Variants in PPFIA1 observed in about 807,000 individuals in gnomAD.
PPFIA1 encodes the protein liprin-alpha-1.
PPFIA1 carries 25 observed loss-of-function variants against 149.9 expected under a neutral mutation model. The observed-to-expected ratio is 0.17, with a 90% CI of 0.12 to 0.23. The LOEUF is 0.23. Among genes scored for constraint, PPFIA1 ranks in the 10% least tolerant of loss-of-function variants. The probability of loss-of-function intolerance (pLI) is 1.00; values close to 1 mark genes in which losing one functional copy is unlikely to be tolerated. For synonymous variants in PPFIA1, 549 were observed against 552.8 expected, an observed-to-expected ratio of 0.99 and a Z score of 0.10; for missense variants, 1,362 against 1,506.5, an observed-to-expected ratio of 0.90 and a Z score of 1.59.
At chr11:70,288,352 C>T (rs1441415842) in intron 2 of PPFIA1, among the ~76,000 whole-genome samples, 1 of 152,054 alleles carries the variant, frequency 6.6e-6, no homozygotes, top group Non-Finnish European at 1.5e-5. Flanking sequence ...TTACAGGCAT[C>T]AGCCACCGCG....
chr11:70,366,696 G>C (rs1174606573), intron 21 of PPFIA1, among the ~76,000 whole-genome samples: 2 of 152,120 alleles, frequency 1.3e-5, no homozygotes, highest in African/African-American at 2.4e-5. Context: ...GTATTTGAGG[G>C]CTTCAGAATA....
At position 70,270,757 on chromosome 11, in the gene PPFIA1, C is replaced by G. The variant is rs552476277; in HGVS notation, c.-158C>G. 2 of 150,418 alleles carry G rather than the reference C, an allele frequency of 1.3e-5. No individual in the cohort carries two copies. The highest frequency in any genetic ancestry group is 3.0e-5 in the Non-Finnish European group (2 of 67,450). The allele number at this position is 150,418 out of a possible 1,614,324, so 9.3% of individuals were successfully genotyped here. A position where few individuals can be genotyped will look rare whatever the true frequency, so the allele number is the denominator to read the frequency against. ...CGCCAGTGTCCGGCCGCGGGCCGGCCTTAGTGACTGGGGCGGCGGGCCCCG... is the reference window on the plus strand; with the variant it reads ...CGCCAGTGTCCGGCCGCGGGCCGGCGTTAGTGACTGGGGCGGCGGGCCCCG... On this transcript the variant is annotated 5_prime_UTR_variant, in exon 1 of 28. Transcript: ENST00000253925.
rs2057785928 is a variant in PPFIA1, at chr11:70,383,636, T to G, written c.*646T>G. The G allele has an allele frequency of 1.3e-5, 2 of 154,462 alleles. No homozygotes were observed. The highest frequency in any genetic ancestry group is 4.1e-4 in the South Asian group (2 of 4,904). 9.6% of individuals were successfully genotyped at this position (154,462 alleles called of 1,614,324 possible). On this transcript the variant is annotated 3_prime_UTR_variant, in exon 28 of 28. Coordinates refer to ENST00000253925, the MANE Select transcript of PPFIA1 (RefSeq NM_003626.5). ...GCTGGTGTTAAATATCAGCTCCTAA[T>G]AAGATGTGGACTGAAAACACTATCA...
chr11:70,287,187 C>T (rs2051203927), intron 2 of PPFIA1, among the ~76,000 whole-genome samples: 1 of 152,006 alleles, frequency 6.6e-6, no homozygotes, highest in Non-Finnish European at 1.5e-5. Flanking sequence ...AGCTGCCTTT[C>T]CTTTGCTCAG....
intron 8 of PPFIA1, among the ~76,000 whole-genome samples, chr11:70,330,983 C>T (rs2054618148): frequency 1.3e-5 from 2 of 152,014 alleles, no homozygotes; most frequent in African/African-American, 2.4e-5. Flanking sequence ...CCTGTAATCC[C>T]AGCACTTTGG....
chr11:70,274,268 C>T (rs1217724597), intron 2 of PPFIA1, among the ~76,000 whole-genome samples: 1 of 152,136 alleles, frequency 6.6e-6, no homozygotes, highest in African/African-American at 2.4e-5. Context: ...TTAGAGTGTA[C>T]TTAAAAATAT....
At chr11:70,299,313 TC>T (rs2136319941) in intron 2 of PPFIA1, among the ~76,000 whole-genome samples, 1 of 152,270 alleles carries the variant, frequency 6.6e-6, no homozygotes, top group African/African-American at 2.4e-5. Context: ...GTTTTCTTTT[TC>T]TTACAGGGGT....
Position 70,332,827 on chromosome 11 carries a change from C to T in PPFIA1, c.1213-643C>T, listed in dbSNP as rs565024156. 5.5e-4 allele frequency among the ~76,000 whole-genome samples: 84 copies of T among 152,332 alleles called. No individual in the cohort carries two copies. In the South Asian group the frequency reaches 6.2e-3, roughly 11 times the overall value. On this transcript the variant is annotated intron_variant, in intron 9 of 27. Transcript: ENST00000253925. Reference sequence around the variant, plus strand: ...CTGTCTGTCGTCCTGAGTCTTCTTGCTCAAGCTTTTCAAGCTGCTGGGGAG... The same window carrying T: ...CTGTCTGTCGTCCTGAGTCTTCTTGTTCAAGCTTTTCAAGCTGCTGGGGAG...
At chr11:70,337,476 G>A (rs750803467) in intron 12 of PPFIA1, 49 bp downstream of exon 12, 9 of 1,378,746 alleles carry the variant, frequency 6.5e-6, no homozygotes, top group Non-Finnish European at 9.0e-6. Context: ...GAACTGAGTT[G>A]ATGATGATGA....
intron 21 of PPFIA1, chr11:70,365,473 G>A (rs772507962): frequency 1.3e-4 from 58 of 456,440 alleles, no homozygotes; most frequent in Admixed American, 1.9e-4. Context: ...CTCCCAGCGC[G>A]TTTTCCACTT....
chr11:70,351,453 C>T (rs2056051771), intron 16 of PPFIA1, among the ~76,000 whole-genome samples: 1 of 152,158 alleles, frequency 6.6e-6, no homozygotes, highest in South Asian at 2.1e-4. Flanking sequence ...CTGAGTGTCC[C>T]TGATCTGAGA....
At chr11:70,309,262 CG>C (rs1307601891) in intron 2 of PPFIA1, among the ~76,000 whole-genome samples, 1 of 152,052 alleles carries the variant, frequency 6.6e-6, no homozygotes, top group East Asian at 1.9e-4. Context: ...CTCCGCCTCT[CG>C]GGTTCAAGCG....
At chr11:70,378,457 G>T (rs1285634227) in intron 26 of PPFIA1, 1 of 1,184,178 alleles carries the variant, frequency 8.4e-7, no homozygotes, top group Non-Finnish European at 1.0e-6. Context: ...GTATTCGTCT[G>T]TGTTCTCAGA....
At chr11:70,319,390 T>C (rs866916977) in intron 2 of PPFIA1, among the ~76,000 whole-genome samples, 26 of 152,350 alleles carry the variant, frequency 1.7e-4, no homozygotes, top group Middle Eastern at 3.4e-3. Context: ...AGGGGAATCC[T>C]TTGAAAACGG....
In PPFIA1 at chr11:70,326,675, T is replaced by C. The variant is rs766377601; in HGVS notation, c.787T>C (p.Ser263Pro). 1.9e-6 allele frequency: 3 copies of C among 1,614,124 alleles called. No homozygotes were observed. The highest frequency in any genetic ancestry group is 2.5e-6 in the Non-Finnish European group (3 of 1,180,016). Reference protein sequence around the residue: ...IELQEIISKQSREQSQMKERL... With the variant: ...IELQEIISKQPREQSQMKERL... ...GCTCCAAGAAATCATAAGTAAGCAGTCAAGGGAACAGAGCCAAATGAAAGA... is the reference window on the plus strand; with the variant it reads ...GCTCCAAGAAATCATAAGTAAGCAGCCAAGGGAACAGAGCCAAATGAAAGA... The change falls in exon 7 of 28, where the codon TCA becomes CCA. Residue 263 changes from serine (S) to proline (P), a missense_variant. Ser to Pro is a moderately conservative substitution (Grantham distance 74, BLOSUM62 -1). Around this residue, in one of 7 missense-constraint regions of PPFIA1, gnomAD observed 733 missense variants for 744.1 expected, o/e 0.99. Coordinates refer to ENST00000253925, the MANE Select transcript of PPFIA1 (RefSeq NM_003626.5).
At chr11:70,277,119 T>C (rs2050457223) in intron 2 of PPFIA1, among the ~76,000 whole-genome samples, 1 of 146,172 alleles carries the variant, frequency 6.8e-6, no homozygotes, top group Non-Finnish European at 1.5e-5. Flanking sequence ...CTTAGATACT[T>C]GAACTGGATT....
chr11:70,367,875 C>G (rs1291683999), intron 21 of PPFIA1, among the ~76,000 whole-genome samples: 1 of 152,212 alleles, frequency 6.6e-6, no homozygotes, highest in Non-Finnish European at 1.5e-5. Context: ...GTGGCTCACA[C>G]CTGTAATCCC....
intron 2 of PPFIA1, among the ~76,000 whole-genome samples, chr11:70,299,149 G>A (rs1369744864): frequency 1.3e-5 from 2 of 152,078 alleles, no homozygotes; most frequent in African/African-American, 4.8e-5. Flanking sequence ...TGAGACAAGA[G>A]GATCACTTGA....
chr11:70,374,002 T>C (rs1177559097), intron 23 of PPFIA1: 1 of 152,248 alleles, frequency 6.6e-6, no homozygotes, highest in Non-Finnish European at 1.5e-5. Flanking sequence ...TTGGAAGTGA[T>C]TGGTGATCAT....
Sources: gnomAD v4.1 joint callset for allele counts (sites outside exome capture counted in the v4.1 genomes callset) on GRCh38, gnomAD v4.1.1 for gene constraint, gnomAD v4.1.1 regional missense constraint, MANE v1.5 for transcripts, NCBI Gene and HGNC (gene_info 2026-07-23, HGNC 2026-07-21) for gene names.